Variants in DNAH6 observed in about 807,000 individuals in gnomAD.
The protein encoded by DNAH6 is dynein axonemal heavy chain 6, also known as axonemal beta dynein heavy chain 6.
A neutral mutation model predicts 491.4 loss-of-function variants in DNAH6; 340 were observed. The ratio of observed to expected loss-of-function variants is 0.69; its 90% CI spans 0.63 to 0.76. DNAH6 has a LOEUF of 0.76. Ranked by LOEUF, DNAH6 falls within the 30% of genes least tolerant of loss-of-function variation. The pLI is 0.00. For missense variants in DNAH6, 4,443 were observed against 4,972.2 expected (o/e 0.89, Z 3.20); for synonymous variants, 1,603 against 1,686.1 (o/e 0.95, Z 1.21).
chr2:84,775,360 C>G (rs1676021441), intron 64 of DNAH6, among the ~76,000 whole-genome samples: 1 of 152,118 alleles, frequency 6.6e-6, no homozygotes, highest in African/African-American at 2.4e-5. Context: ...GGAATGAAGC[C>G]TACTTGGTCA....
intron 63 of DNAH6, among the ~76,000 whole-genome samples, chr2:84,747,622 C>A (rs1023273817): frequency 6.6e-6 from 1 of 152,140 alleles, no homozygotes; most frequent in African/African-American, 2.4e-5. Context: ...CTGCCAATAT[C>A]TCTACCATTC....
intron 4 of DNAH6, among the ~76,000 whole-genome samples, chr2:84,541,350 G>A (rs545202895): frequency 3.3e-5 from 5 of 152,200 alleles, no homozygotes; most frequent in South Asian, 2.1e-4. Context: ...CTCACCCTGC[G>A]GCCCCTTCTA....
the DNAH6 span, among the ~76,000 whole-genome samples, chr2:84,492,255 CA>C: frequency 6.6e-6 from 1 of 152,208 alleles, no homozygotes; most frequent in Non-Finnish European, 1.5e-5. Context: ...TACCCACCTT[CA>C]AATGTGCCTA....
At chr2:84,723,046 G>A (rs1487606883) in intron 60 of DNAH6, among the ~76,000 whole-genome samples, 1 of 152,014 alleles carries the variant, frequency 6.6e-6, no homozygotes, top group East Asian at 1.9e-4. Flanking sequence ...TGGCCAACAT[G>A]GAGAAACCCC....
rs1446662545 is a variant in DNAH6 at position 84,634,554 on chromosome 2, C to T, written c.4566C>T (p.Cys1522=). The T allele has an allele frequency of 6.5e-7, 1 of 1,550,272 alleles. No homozygotes were observed. The highest frequency in any genetic ancestry group is 2.5e-5 in the East Asian group (1 of 40,800). The stretch of plus-strand genomic sequence containing the variant: ...TGGCACAGTCAGGGGCCTGGTGCTG[C>T]TTTGATGAATTTAATCGAATTGACA... ...SGLAQSGAWC[C]FDEFNRIDIE... Residue 1522 remains cysteine, a synonymous_variant, in exon 30 of 77, where the codon TGC becomes TGT. Transcript: ENST00000389394.
the DNAH6 span, among the ~76,000 whole-genome samples, chr2:84,478,660 C>G: frequency 0.011 from 1,677 of 152,196 alleles, 28 homozygotes; most frequent in African/African-American, 0.038. Context: ...CAAGAGTACC[C>G]CGGGGACCAA....
At chr2:84,759,710 C>T (rs1398622375) in intron 63 of DNAH6, among the ~76,000 whole-genome samples, 1 of 152,042 alleles carries the variant, frequency 6.6e-6, no homozygotes, top group Non-Finnish European at 1.5e-5. Flanking sequence ...TCCACAGATT[C>T]AATGTAAACC....
At chr2:84,817,372 A>G (rs946232892) in intron 76 of DNAH6, among the ~76,000 whole-genome samples, 2 of 152,250 alleles carry the variant, frequency 1.3e-5, no homozygotes, top group African/African-American at 4.8e-5. Context: ...ACCAGAATTC[A>G]AAACACAACC....
intron 63 of DNAH6, among the ~76,000 whole-genome samples, chr2:84,752,232 C>T (rs536266570): frequency 2.0e-5 from 3 of 152,294 alleles, no homozygotes; most frequent in South Asian, 2.1e-4. Context: ...GTGTTAAGTC[C>T]TTATTGTTAA....
intron 35 of DNAH6, among the ~76,000 whole-genome samples, chr2:84,656,030 T>C (rs1205823096): frequency 2.6e-5 from 4 of 152,192 alleles, no homozygotes; most frequent in African/African-American, 7.2e-5. Context: ...TTTTCTAGAA[T>C]GTTATACAGT....
intron 33 of DNAH6, among the ~76,000 whole-genome samples, chr2:84,646,715 A>G (rs975513946): frequency 6.6e-6 from 1 of 152,228 alleles, no homozygotes; most frequent in Non-Finnish European, 1.5e-5. Context: ...AATTCTATAA[A>G]GGAGGAGAGA....
intron 14 of DNAH6, among the ~76,000 whole-genome samples, chr2:84,580,381 G>A (rs893682309): frequency 3.3e-5 from 5 of 151,244 alleles, no homozygotes; most frequent in South Asian, 2.1e-4. Flanking sequence ...CTTTTTCTCC[G>A]GAAACTTGGT....
intron 11 of DNAH6, among the ~76,000 whole-genome samples, chr2:84,558,898 A>C (rs1680353801): frequency 1.3e-5 from 2 of 152,196 alleles, no homozygotes; most frequent in Non-Finnish European, 2.9e-5. Context: ...ATATACTGCA[A>C]ATGCCTTTTC....
At chr2:84,607,881 T>A (rs952559351) in intron 21 of DNAH6, among the ~76,000 whole-genome samples, 1 of 151,976 alleles carries the variant, frequency 6.6e-6, no homozygotes, top group Non-Finnish European at 1.5e-5. Context: ...TCCTTTTATT[T>A]AAAAAAAATC....
Position 84,815,912 on chromosome 2 carries a change from T to A in DNAH6, c.12202T>A (p.Ser4068Thr), listed in dbSNP as rs377569326. ...VLVHGMFMDA[S>T]RWDDKEMVIE... ...TGTTCATGGGATGTTCATGGATGCT[T>A]CTCGATGGGATGATAAGGAGATGGT... Residue 4068 changes from serine (S) to threonine (T), a missense_variant, in exon 76 of 77, where the codon TCT (serine) becomes ACT (threonine). By Grantham distance (58) the Ser-to-Thr change is moderately conservative. Transcript: ENST00000389394. 8 of 1,551,664 alleles carry A rather than the reference T, an allele frequency of 5.2e-6. No individual in the cohort carries two copies. The African/African-American group carries it at 1.1e-4, about 21-fold the overall frequency.
chr2:84,523,332 A>C (rs573310689), intron 2 of DNAH6, among the ~76,000 whole-genome samples: 1 of 151,588 alleles, frequency 6.6e-6, no homozygotes, highest in East Asian at 1.9e-4. Flanking sequence ...GTTTATTTGG[A>C]TCTTTTCTCT....
At chr2:84,727,927 G>T in intron 61 of DNAH6, 25 bp downstream of exon 61, 1 of 1,422,606 alleles carries the variant, frequency 7.0e-7, no homozygotes. Context: ...TTTAGGTGAT[G>T]ATTGATATGG....
chr2:84,634,381 C>G, intron 29 of DNAH6, 123 bp from the exon 30 acceptor site: 1 of 1,033,032 alleles, frequency 9.7e-7, no homozygotes, highest in East Asian at 3.1e-5. Context: ...CCAGTATTCA[C>G]ATAAAACTAT....
chr2:84,462,451 A>G, the DNAH6 span, among the ~76,000 whole-genome samples: 2 of 152,250 alleles, frequency 1.3e-5, no homozygotes, highest in Non-Finnish European at 2.9e-5. Flanking sequence ...GGCACCTGTC[A>G]TCCAGACTTC....
Sources: gnomAD v4.1 joint callset for allele counts (sites outside exome capture counted in the v4.1 genomes callset) on GRCh38, gnomAD v4.1.1 for gene constraint, MANE v1.5 for transcripts, NCBI Gene and HGNC (gene_info 2026-07-23, HGNC 2026-07-21) for gene names.